Variants in ASH1L observed in about 807,000 individuals in gnomAD.
The protein encoded by ASH1L is histone-lysine N-methyltransferase ASH1L.
In ASH1L, 23 loss-of-function variants were observed where a neutral mutation model predicts 269.0. That is an observed-to-expected ratio of 0.09 (90% confidence interval 0.06 to 0.12). The LOEUF is 0.12. Ranked by LOEUF, ASH1L falls within the 10% of genes least tolerant of loss-of-function variation. The pLI is 1.00. For synonymous variants in ASH1L, 1,187 were observed against 1,253.5 expected (o/e 0.95, Z 1.12); for missense variants, 2,912 against 3,567.8 (o/e 0.82, Z 4.68).
chr1:155,468,605 T>C (rs1664870274), intron 3 of ASH1L, among the ~76,000 whole-genome samples: 3 of 152,176 alleles, frequency 2.0e-5, no homozygotes, highest in Admixed American at 6.5e-5. Flanking sequence ...CTCATATTTA[T>C]TTTGTTGCTC....
intron 1 of ASH1L, among the ~76,000 whole-genome samples, chr1:155,539,860 A>T (rs1196349962): frequency 6.6e-6 from 1 of 151,618 alleles, no homozygotes. Context: ...TTTTGAGACC[A>T]GCCTGGGCAA....
intron 1 of ASH1L, among the ~76,000 whole-genome samples, chr1:155,554,721 A>C (rs977765841): frequency 6.6e-6 from 1 of 152,220 alleles, no homozygotes; most frequent in Admixed American, 6.6e-5. Context: ...AAACAAAAAA[A>C]AACACTGTAT....
At chr1:155,341,368 G>T (rs1352261240) in intron 25 of ASH1L, among the ~76,000 whole-genome samples, 1 of 152,096 alleles carries the variant, frequency 6.6e-6, no homozygotes, top group Non-Finnish European at 1.5e-5. Context: ...AGTAGAGAGG[G>T]GGTTTCACCG....
chr1:155,491,200 C>T (rs766130057), intron 2 of ASH1L, among the ~76,000 whole-genome samples: 1 of 152,072 alleles, frequency 6.6e-6, no homozygotes, highest in Non-Finnish European at 1.5e-5. Context: ...TTCTTTCTCA[C>T]ATGTTGCACA....
intron 5 of ASH1L, chr1:155,433,209 C>T: frequency 6.5e-7 from 1 of 1,545,954 alleles, no homozygotes; most frequent in Non-Finnish European, 8.7e-7. Context: ...CGGATGCCTG[C>T]CTTCTTGCCC....
At chr1:155,477,385 T>C (rs1430537292) in intron 3 of ASH1L, among the ~76,000 whole-genome samples, 1 of 152,182 alleles carries the variant, frequency 6.6e-6, no homozygotes, top group East Asian at 1.9e-4. Context: ...ATGCTGAAAA[T>C]GTCCAATGTT....
chr1:155,394,023 T>C (rs1260879646), intron 7 of ASH1L, among the ~76,000 whole-genome samples: 2 of 152,130 alleles, frequency 1.3e-5, no homozygotes, highest in Admixed American at 1.3e-4. Context: ...AGTGATGTTA[T>C]CTAGAACAAA....
chr1:155,370,973 C>A lies in ASH1L; in HGVS notation c.6343G>T (p.Ala2115Ser), dbSNP rs778604282. 15 of 1,614,020 alleles carry A rather than the reference C, an allele frequency of 9.3e-6. No homozygotes were observed. The highest frequency in any genetic ancestry group is 1.3e-5 in the Non-Finnish European group (15 of 1,180,014). Residue 2115 changes from alanine (A) to serine (S), a missense_variant, in exon 11 of 28, where the codon GCT becomes TCT. Around this residue, in one of 13 missense-constraint regions of ASH1L, gnomAD observed 193 missense variants for 311.6 expected, o/e 0.62. Coordinates refer to ENST00000392403, the MANE Select transcript of ASH1L (RefSeq NM_018489.3). ...VDDCLNRMIF[A>S]ECSPNTCPCG... ...GGGCAAGTGTTGGGGGAACACTCAG[C>A]AAAGATCATTCTAGAAAAAAAAGGA...
At chr1:155,535,488 A>G (rs1669992083) in intron 1 of ASH1L, among the ~76,000 whole-genome samples, 1 of 151,926 alleles carries the variant, frequency 6.6e-6, no homozygotes, top group Non-Finnish European at 1.5e-5. Flanking sequence ...TAACATTAAA[A>G]ACCAGTTATA....
chr1:155,484,620 C>T (rs1267638542), intron 2 of ASH1L, among the ~76,000 whole-genome samples: 1 of 151,732 alleles, frequency 6.6e-6, no homozygotes, highest in African/African-American at 2.4e-5. Flanking sequence ...CAAAACATTA[C>T]CCAAAAAACA....
chr1:155,446,626 CTTTTTTTTTTT>C (rs34042736), intron 4 of ASH1L, among the ~76,000 whole-genome samples: 1 of 116,844 alleles, frequency 8.6e-6, no homozygotes, highest in Non-Finnish European at 1.8e-5. Flanking sequence ...TTTTTTTTTT[CTTTTTTTTTTT>C]TTGAGACGGA....
At chr1:155,389,835 C>G (rs1657764740) in intron 7 of ASH1L, among the ~76,000 whole-genome samples, 1 of 148,896 alleles carries the variant, frequency 6.7e-6, no homozygotes, top group Non-Finnish European at 1.5e-5. Context: ...TTTTTTAATA[C>G]TGATGATTTT....
intron 2 of ASH1L, among the ~76,000 whole-genome samples, chr1:155,492,359 G>A (rs1666866449): frequency 1.3e-5 from 2 of 151,976 alleles, no homozygotes; most frequent in South Asian, 4.1e-4. Flanking sequence ...TCTTATACTT[G>A]GAAAAATCAT....
intron 6 of ASH1L, among the ~76,000 whole-genome samples, chr1:155,412,287 T>C (rs1487654826): frequency 6.6e-6 from 1 of 150,922 alleles, no homozygotes; most frequent in Non-Finnish European, 1.5e-5. Context: ...CAGGTGCCTG[T>C]AATCCCAGCT....
chr1:155,502,071 C>CTTTTTTTTTTTTTTT (rs769262562), intron 2 of ASH1L, among the ~76,000 whole-genome samples: 4 of 126,420 alleles, frequency 3.2e-5, no homozygotes, highest in Non-Finnish European at 5.1e-5. Flanking sequence ...CTTTTCTTTT[C>CTTTTTTTTTTTTTTT]TTTTTTTTTT....
intron 6 of ASH1L, among the ~76,000 whole-genome samples, chr1:155,401,019 G>C (rs963239361): frequency 6.6e-6 from 1 of 151,972 alleles, no homozygotes; most frequent in Non-Finnish European, 1.5e-5. Flanking sequence ...AAATTAGTAG[G>C]GCGTAGTGGT....
At chr1:155,533,855 C>T (rs1669860027) in intron 1 of ASH1L, among the ~76,000 whole-genome samples, 1 of 152,136 alleles carries the variant, frequency 6.6e-6, no homozygotes, top group African/African-American at 2.4e-5. Flanking sequence ...ACCTCTCCAA[C>T]CATTTCATCA....
In ASH1L at chr1:155,543,979, ATTTATTT is replaced by A. The variant is rs542720640; in HGVS notation, c.-100+18167_-100+18173del. Among the ~76,000 whole-genome samples, 9 of 152,150 alleles carry A rather than the reference ATTTATTT, an allele frequency of 5.9e-5. No individual in the cohort carries two copies. In the South Asian group the frequency reaches 1.7e-3, roughly 28 times the overall value. ...AAACAAAAAAGCAATTTCCTCATGG[ATTTATTT>A]TTTATTTTTATTTTTTTGAGACAGG... On this transcript the variant is annotated intron_variant, in intron 1 of 27. Coordinates refer to ENST00000392403, the MANE Select transcript of ASH1L (RefSeq NM_018489.3).
At chr1:155,405,816 C>T (rs1249251024) in intron 6 of ASH1L, among the ~76,000 whole-genome samples, 36 of 138,558 alleles carry the variant, frequency 2.6e-4, no homozygotes, top group African/African-American at 7.7e-4. Flanking sequence ...GGTGAGAGAG[C>T]GATTCTCTGT....
Sources: gnomAD v4.1 joint callset for allele counts (sites outside exome capture counted in the v4.1 genomes callset) on GRCh38, gnomAD v4.1.1 for gene constraint, gnomAD v4.1.1 regional missense constraint, MANE v1.5 for transcripts, NCBI Gene and HGNC (gene_info 2026-07-23, HGNC 2026-07-21) for gene names.